The following DAGLA variants were observed in gnomAD, a reference collection of about 807,000 sequenced individuals.
DAGLA encodes the protein diacylglycerol lipase-alpha.
In DAGLA, 22 loss-of-function variants were observed where a neutral mutation model predicts 102.6. The observed-to-expected ratio is 0.21, with a 90% CI of 0.15 to 0.31. The LOEUF is 0.31. Among genes scored for constraint, DAGLA ranks in the 10% least tolerant of loss-of-function variants. The pLI, the probability that DAGLA is intolerant of heterozygous loss-of-function variation, is 1.00. For missense variants in DAGLA, 927 were observed against 1,446.6 expected (o/e 0.64, Z 5.83); for synonymous variants, 578 against 628.9 (o/e 0.92, Z 1.21).
At chr11:61,713,383 T>G (rs774304902) in intron 1 of DAGLA, among the ~76,000 whole-genome samples, 2 of 152,198 alleles carry the variant, frequency 1.3e-5, no homozygotes, top group Non-Finnish European at 2.9e-5. Context: ...AGAACTGTTA[T>G]GAGGACTAGG....
In DAGLA at chr11:61,737,371, T is replaced by C. The variant is rs2065432316; in HGVS notation, c.1514+47T>C. On this transcript the variant is annotated intron_variant, in intron 14 of 19. Transcript: ENST00000257215. ...AGTTGGCTGGGGCAGTTGGGACCAGTGGAGGCTGAGGGTTGGCTGGTGCTA... is the reference window on the plus strand; with the variant it reads ...AGTTGGCTGGGGCAGTTGGGACCAGCGGAGGCTGAGGGTTGGCTGGTGCTA... 4 of 1,603,368 alleles carry C rather than the reference T, an allele frequency of 2.5e-6. No individual in the cohort carries two copies. The East Asian group carries it at 8.9e-5, about 36-fold the overall frequency.
chr11:61,706,091 C>G (rs763517345), intron 1 of DAGLA, among the ~76,000 whole-genome samples: 2 of 152,252 alleles, frequency 1.3e-5, no homozygotes, highest in Non-Finnish European at 2.9e-5. Flanking sequence ...AACTGCAGAA[C>G]AGTCTAACAG....
intron 7 of DAGLA, among the ~76,000 whole-genome samples, chr11:61,728,579 G>A (rs1015742369): frequency 1.3e-5 from 2 of 152,188 alleles, no homozygotes; most frequent in Non-Finnish European, 2.9e-5. Context: ...TGGACGTGGT[G>A]AGCTCCCGAG....
In DAGLA at chr11:61,684,320, T is replaced by A. The variant is rs1467130096; in HGVS notation, c.-45+3816T>A. 6.6e-6 allele frequency among the ~76,000 whole-genome samples: 1 copy of A among 152,208 alleles called. No homozygotes were observed. The highest frequency in any genetic ancestry group is 1.5e-5 in the Non-Finnish European group (1 of 68,038). ...ATGTGGTCAGAGGAAGATAAATCTT[T>A]TAGAACCGCGGAGCCCAGGACATTG... On this transcript the variant is annotated intron_variant, in intron 1 of 19. Transcript: ENST00000257215. This position sits in a 1 kb window ranked among gnomAD's most constrained non-coding sequence, Gnocchi z 4.5.
At chr11:61,699,129 C>T (rs1255951349) in intron 1 of DAGLA, among the ~76,000 whole-genome samples, 2 of 152,150 alleles carry the variant, frequency 1.3e-5, no homozygotes, top group Admixed American at 6.5e-5. Flanking sequence ...GGATGGGAGC[C>T]ATTGGGGGAA....
intron 6 of DAGLA, among the ~76,000 whole-genome samples, chr11:61,727,705 A>G (rs879362946): frequency 7.2e-5 from 11 of 152,230 alleles, no homozygotes; most frequent in Non-Finnish European, 1.2e-4. Flanking sequence ...CAGGCTCCAC[A>G]GAGGCCTTAC....
In DAGLA at chr11:61,684,867, C is replaced by T. The variant is rs568264617; in HGVS notation, c.-45+4363C>T. 8.4e-4 allele frequency among the ~76,000 whole-genome samples: 128 copies of T among 151,826 alleles called. No individual in the cohort carries two copies. Among genetic ancestry groups the T allele is most frequent in the Non-Finnish European group, 1.5e-3 (104 of 67,926 alleles). On this transcript the variant is annotated intron_variant, in intron 1 of 19. Coordinates refer to ENST00000257215, the MANE Select transcript of DAGLA (RefSeq NM_006133.3). The surrounding 1 kb of genome is among the most constrained non-coding windows in gnomAD (Gnocchi z 4.5). ...CACAGCAGGAGGGAACAGTGGGAGT[C>T]GGAGGAGGCTGCCTTCAGGCTGTGG... is the stretch of plus-strand genomic sequence containing the variant.
chr11:61,740,517 C>T lies in DAGLA; in HGVS notation c.1908C>T (p.Ala636=). The T allele has an allele frequency of 6.2e-7, 1 of 1,613,934 alleles. No homozygotes were observed. Among genetic ancestry groups the T allele is most frequent in the Non-Finnish European group, 8.5e-7 (1 of 1,179,994 alleles). The change falls in exon 18 of 20, where the codon GCC becomes GCT. Residue 636 remains alanine, a synonymous_variant. Coordinates refer to ENST00000257215, the MANE Select transcript of DAGLA (RefSeq NM_006133.3). ...TYFAIWGDNK[A]FNEVIISPAM... is the part of the protein sequence containing the mutation. Reference sequence around the variant, plus strand: ...TTGCCATCTGGGGCGACAACAAGGCCTTCAATGAGGTGATCATCTCGCCAG... The same window carrying T: ...TTGCCATCTGGGGCGACAACAAGGCTTTCAATGAGGTGATCATCTCGCCAG...
intron 1 of DAGLA, among the ~76,000 whole-genome samples, chr11:61,690,399 T>C (rs933029686): frequency 6.6e-6 from 1 of 152,198 alleles, no homozygotes; most frequent in African/African-American, 2.4e-5. Context: ...CTGAGGGAGT[T>C]CCTGGGTTGG....
chr11:61,743,434 C>G (rs2135615231), intron 19 of DAGLA, 98 bp from the exon 20 acceptor site: 1 of 858,044 alleles, frequency 1.2e-6, no homozygotes, highest in East Asian at 2.6e-5. Flanking sequence ...ATGAACTGTA[C>G]CCTTTATTCC....
chr11:61,746,854 C>T lies in DAGLA; in HGVS notation c.*2365C>T, dbSNP rs907836351. Reference sequence around the variant, plus strand: ...TCTCTTACGTGCCATTCTCCCCAGACTTTTTTTGTACTTAATGTATGAAAG... The same window carrying T: ...TCTCTTACGTGCCATTCTCCCCAGATTTTTTTTGTACTTAATGTATGAAAG... On this transcript the variant is annotated 3_prime_UTR_variant, in exon 20 of 20. Transcript: ENST00000257215. 3 of 152,604 alleles carry T rather than the reference C, an allele frequency of 2.0e-5. No homozygotes were observed. The highest frequency in any genetic ancestry group is 2.9e-5 in the Non-Finnish European group (2 of 68,050). The allele number at this position is 152,604 out of a possible 1,614,324, so 9.5% of individuals were successfully genotyped here. A position where few individuals can be genotyped will look rare whatever the true frequency, so the allele number is the denominator to read the frequency against.
At position 61,739,500 on chromosome 11, in the gene DAGLA, C is replaced by T. The variant is rs761225298; in HGVS notation, c.1692C>T (p.Pro564=). 2.5e-6 allele frequency: 4 copies of T among 1,613,924 alleles called. No homozygotes were observed. Among genetic ancestry groups the T allele is most frequent in the Middle Eastern group, 1.6e-4 (1 of 6,084 alleles). The change falls in exon 17 of 20, where the codon CCC becomes CCT. Residue 564 remains proline, a synonymous_variant. Transcript: ENST00000257215. The stretch of plus-strand genomic sequence containing the variant: ...TCGTGGGGGCCACCAAATGCATCCC[C>T]AAGTCGGAGCTGCCTGAGGAGGTAG... ...RIIVGATKCI[P]KSELPEEVEV...
intron 9 of DAGLA, 132 bp downstream of exon 9, chr11:61,731,573 C>G (rs2065375502): frequency 1.6e-6 from 2 of 1,239,546 alleles, no homozygotes; most frequent in Admixed American, 4.1e-5. Flanking sequence ...GGGCCTCAAC[C>G]TTTCTAGTTC....
intron 1 of DAGLA, among the ~76,000 whole-genome samples, chr11:61,700,881 A>G (rs1198491075): frequency 6.6e-6 from 1 of 151,644 alleles, no homozygotes; most frequent in Non-Finnish European, 1.5e-5. Flanking sequence ...CAGCAACGAG[A>G]CCCCCTGCAT....
In DAGLA at chr11:61,740,472, G is replaced by A. The variant is rs201122065; in HGVS notation, c.1863G>A (p.Glu621=). ...NHPAEQCCCC[E]QEEPTYFAIW... is the part of the protein sequence containing the mutation. Reference sequence around the variant, plus strand: ...TCCATGTCCCTCTCAGCTGCTGTGAGCAGGAGGAGCCCACATACTTTGCCA... The same window carrying A: ...TCCATGTCCCTCTCAGCTGCTGTGAACAGGAGGAGCCCACATACTTTGCCA... Residue 621 remains glutamate, a synonymous_variant, in exon 18 of 20, where the codon GAG becomes GAA. Transcript: ENST00000257215. The A allele has an allele frequency of 1.2e-6, 2 of 1,613,698 alleles. No homozygotes were observed. Among genetic ancestry groups the A allele is most frequent in the East Asian group, 4.5e-5 (2 of 44,880 alleles).
intron 1 of DAGLA, among the ~76,000 whole-genome samples, chr11:61,689,827 C>T (rs531043662): frequency 5.4e-4 from 82 of 152,226 alleles, no homozygotes; most frequent in African/African-American, 1.9e-3. Context: ...CTTCTATCCA[C>T]TGCCTTTTCT....
At position 61,743,661 on chromosome 11, in the gene DAGLA, G is replaced by A. The variant is rs3741251; in HGVS notation, c.2301G>A (p.Ala767=). ...TGCTGTCTACCCAGGAGCGGCTGGCGGCGGAGCTGCAGGCCCGGCGGGCAC... is the reference window on the plus strand; with the variant it reads ...TGCTGTCTACCCAGGAGCGGCTGGCAGCGGAGCTGCAGGCCCGGCGGGCAC... ...LLLLSTQERL[A]AELQARRAPL... The change falls in exon 20 of 20, where the codon GCG becomes GCA. Residue 767 remains alanine (A), a synonymous_variant. Transcript: ENST00000257215. The A allele has an allele frequency of 0.17, 272,548 of 1,598,510 alleles. 25,384 individuals are homozygous for A. The highest frequency in any genetic ancestry group is 0.3 in the South Asian group (26,718 of 90,420).
Position 61,720,098 on chromosome 11 carries a change from C to T in DAGLA, c.-44-14C>T. 1.3e-6 allele frequency: 2 copies of T among 1,581,726 alleles called. No homozygotes were observed. Among genetic ancestry groups the T allele is most frequent in the Non-Finnish European group, 8.6e-7 (1 of 1,159,488 alleles). ...CCTCCTCAGGCAGCTATAAGGTCCT[C>T]TGCTTTCTTTCAGGAGGTGAGCACC... On this transcript the variant is annotated splice_polypyrimidine_tract_variant and intron_variant, in intron 1 of 19. Transcript: ENST00000257215.
At chr11:61,700,568 C>G (rs774176137) in intron 1 of DAGLA, among the ~76,000 whole-genome samples, 1 of 152,206 alleles carries the variant, frequency 6.6e-6, no homozygotes, top group Non-Finnish European at 1.5e-5. Context: ...TCGTGGTCCT[C>G]AGGCCAAGGG....
Sources: allele counts gnomAD v4.1 joint callset (sites outside exome capture counted in the v4.1 genomes callset), GRCh38; gene constraint gnomAD v4.1.1; non-coding constraint Gnocchi (gnomAD v3.1); transcripts MANE v1.5; gene names NCBI Gene and HGNC (gene_info 2026-07-23, HGNC 2026-07-21).